The following LNPK variants were observed in gnomAD, a reference collection of about 807,000 sequenced individuals.
LNPK encodes the protein lunapark, ER junction formation factor.
A neutral mutation model predicts 55.2 loss-of-function variants in LNPK; 29 were observed. That is an observed-to-expected ratio of 0.53 (90% CI 0.39 to 0.72). LNPK has a LOEUF of 0.72. LNPK is among the 30% of genes least tolerant of loss of function. The pLI, the probability that LNPK is intolerant of heterozygous loss-of-function variation, is 0.00. For synonymous variants in LNPK, 162 were observed against 168.2 expected (o/e 0.96, Z 0.29); for missense variants, 467 against 494.8 (o/e 0.94, Z 0.53).
intron 1 of LNPK, 23 bp downstream of exon 1, chr2:176,002,137 T>C: frequency 2.3e-6 from 1 of 429,690 alleles, no homozygotes; most frequent in Non-Finnish European, 4.6e-6. Flanking sequence ...CCCTCCCAAC[T>C]GCCCTCGCCT....
At chr2:175,978,242 G>A (rs1559063692) in intron 5 of LNPK, among the ~76,000 whole-genome samples, 1 of 152,016 alleles carries the variant, frequency 6.6e-6, no homozygotes, top group African/African-American at 2.4e-5. Flanking sequence ...CATTGCATTA[G>A]AGATTACAAG....
In LNPK at chr2:175,970,908, G is replaced by A. The variant is rs908667847; in HGVS notation, c.317-104C>T. ...ACACAAGAAAACTTTCTTATTTTAG[G>A]ATTTTTCAAAATTTAACTGATGTGT... On this transcript the variant is annotated intron_variant, in intron 5 of 12. Transcript: ENST00000272748. 13 of 1,061,374 alleles carry A rather than the reference G, an allele frequency of 1.2e-5. No individual in the cohort carries two copies. In the South Asian group the frequency reaches 2.0e-4, roughly 16 times the overall value. The allele number at this position is 1,061,374 out of a possible 1,614,324, so 65.7% of individuals were successfully genotyped here.
At chr2:175,949,171 A>C (rs191798102) in intron 8 of LNPK, among the ~76,000 whole-genome samples, 7 of 152,276 alleles carry the variant, frequency 4.6e-5, no homozygotes, top group Middle Eastern at 3.4e-3. Flanking sequence ...AATTATAAGC[A>C]CAGTATCATT....
chr2:175,949,856 T>A lies in LNPK; in HGVS notation c.494-2164A>T, dbSNP rs184981135. On this transcript the variant is annotated intron_variant, in intron 8 of 12. Coordinates refer to ENST00000272748, the MANE Select transcript of LNPK (RefSeq NM_030650.3). Reference sequence around the variant, plus strand: ...TAGTTCAAAATAACAAGGTACCAAATCTGTATTTGTCAAACTATTATAAAA... The same window carrying A: ...TAGTTCAAAATAACAAGGTACCAAAACTGTATTTGTCAAACTATTATAAAA... Among the ~76,000 whole-genome samples the A allele has an allele frequency of 7.9e-5, 12 of 152,184 alleles. No homozygotes were observed. In the East Asian group the frequency reaches 1.9e-3, roughly 24 times the overall value.
chr2:175,952,921 A>G (rs967920680), intron 8 of LNPK, among the ~76,000 whole-genome samples: 1 of 152,110 alleles, frequency 6.6e-6, no homozygotes, highest in Non-Finnish European at 1.5e-5. Flanking sequence ...TGAATTTACT[A>G]ATTTCATCTA....
rs1222417722 is a variant in LNPK at position 175,929,508 on chromosome 2, T to C, written c.*459A>G. 1.0e-6 allele frequency: 1 copy of C among 994,200 alleles called. No homozygotes were observed. The highest frequency in any genetic ancestry group is 1.7e-5 in the African/African-American group (1 of 57,300). The allele number at this position is 994,200 out of a possible 1,614,324, so 61.6% of individuals were successfully genotyped here. Reference sequence around the variant, plus strand: ...CACCTAAATAGACATTTCTCCCAGTTGTAAATATCTCAGGAGCTAAAATTC... The same window carrying C: ...CACCTAAATAGACATTTCTCCCAGTCGTAAATATCTCAGGAGCTAAAATTC... On this transcript the variant is annotated 3_prime_UTR_variant, in exon 13 of 13. Coordinates refer to ENST00000272748, the MANE Select transcript of LNPK (RefSeq NM_030650.3).
In LNPK at chr2:175,928,689, A is replaced by T. The variant is rs960568341; in HGVS notation, c.*1278T>A. 1.3e-5 allele frequency: 2 copies of T among 151,752 alleles called. No individual in the cohort carries two copies. Among genetic ancestry groups the T allele is most frequent in the African/African-American group, 2.4e-5 (1 of 41,318 alleles). 9.4% of individuals were successfully genotyped at this position (151,752 alleles called of 1,614,324 possible). A position where few individuals can be genotyped will look rare whatever the true frequency, so the allele number is the denominator to read the frequency against. Reference sequence around the variant, plus strand: ...CCTTCAGCATAATAATTTGATTTCCATTTTTTTTAATATTGGAGAAGAGAG... The same window carrying T: ...CCTTCAGCATAATAATTTGATTTCCTTTTTTTTTAATATTGGAGAAGAGAG... On this transcript the variant is annotated 3_prime_UTR_variant, in exon 13 of 13. Coordinates refer to ENST00000272748, the MANE Select transcript of LNPK (RefSeq NM_030650.3).
At chr2:175,932,726 G>T (rs955916280) in intron 12 of LNPK, among the ~76,000 whole-genome samples, 5 of 152,106 alleles carry the variant, frequency 3.3e-5, no homozygotes, top group African/African-American at 1.2e-4. Context: ...AATAATCACA[G>T]AGCTTTATAA....
At chr2:175,961,899 T>A (rs1234350280) in intron 8 of LNPK, among the ~76,000 whole-genome samples, 5 of 152,320 alleles carry the variant, frequency 3.3e-5, no homozygotes, top group Admixed American at 2.0e-4. Flanking sequence ...AGCATTCTTA[T>A]ACACCATTAA....
Position 175,964,489 on chromosome 2 carries a change from T to A in LNPK, c.441+17A>T, listed in dbSNP as rs1388899446. 2 of 1,585,358 alleles carry A rather than the reference T, an allele frequency of 1.3e-6. No individual in the cohort carries two copies. Among genetic ancestry groups the A allele is most frequent in the Admixed American group, 3.3e-5 (2 of 59,960 alleles). ...TGTGTAATTTATAATAAAATAGTAG[T>A]GATATCACAGTCTTACCTTTGCTTT... On this transcript the variant is annotated intron_variant, in intron 7 of 12. Transcript: ENST00000272748.
chr2:175,951,604 T>TAG (rs1685416621), intron 8 of LNPK, among the ~76,000 whole-genome samples: 2 of 136,158 alleles, frequency 1.5e-5, no homozygotes, highest in African/African-American at 5.4e-5. Context: ...TATATATATA[T>TAG]ATATATCTCA....
intron 2 of LNPK, chr2:175,994,179 T>C: frequency 1.0e-6 from 1 of 981,866 alleles, no homozygotes; most frequent in Non-Finnish European, 1.2e-6. Context: ...TATCAGTTCA[T>C]TGTAGTTTCC....
chr2:176,001,786 G>T lies in LNPK; in HGVS notation c.-63+374C>A, dbSNP rs374737069. 1.3e-4 allele frequency among the ~76,000 whole-genome samples: 20 copies of T among 152,186 alleles called. No individual in the cohort carries two copies. The East Asian group carries it at 3.7e-3, about 28-fold the overall frequency. On this transcript the variant is annotated intron_variant, in intron 1 of 12. Coordinates refer to ENST00000272748, the MANE Select transcript of LNPK (RefSeq NM_030650.3). ...TAGTTTGGGACCTTCTGACCTCTTT[G>T]CCCCACCTGTGTCGAGATAAGCTCG...
chr2:175,981,227 A>C (rs1330139151), intron 4 of LNPK, among the ~76,000 whole-genome samples: 3 of 152,142 alleles, frequency 2.0e-5, no homozygotes, highest in Non-Finnish European at 4.4e-5. Flanking sequence ...TGCAGCTTCC[A>C]TTTTGGGCCT....
At chr2:176,002,330 G>A (rs781698246), upstream of LNPK, 2 of 421,356 alleles carry the variant, frequency 4.7e-6, no homozygotes, top group South Asian at 1.7e-5. Context: ...TGGCGCCGCG[G>A]TCGGCGCGCG....
chr2:175,950,652 A>T (rs1685351845), intron 8 of LNPK, among the ~76,000 whole-genome samples: 1 of 152,182 alleles, frequency 6.6e-6, no homozygotes, highest in Non-Finnish European at 1.5e-5. Flanking sequence ...CCAAATGGTC[A>T]TAATTTTAGC....
rs554651484 is a variant in LNPK at position 175,933,807 on chromosome 2, C to T, written c.1054+3537G>A. Among the ~76,000 whole-genome samples, 9 of 148,316 alleles carry T rather than the reference C, an allele frequency of 6.1e-5. No individual in the cohort carries two copies. In the South Asian group the frequency reaches 1.7e-3, roughly 28 times the overall value. On this transcript the variant is annotated intron_variant, in intron 12 of 12. Coordinates refer to ENST00000272748, the MANE Select transcript of LNPK (RefSeq NM_030650.3). ...AGTGCAGTGGCACAATCTCAGCTCA[C>T]TGCAACCTCCGCCTCCCGGATTCAG...
Position 175,929,823 on chromosome 2 carries a change from A to G in LNPK, c.*144T>C, listed in dbSNP as rs1684175652. 2 of 1,456,068 alleles carry G rather than the reference A, an allele frequency of 1.4e-6. No homozygotes were observed. Among genetic ancestry groups the G allele is most frequent in the East Asian group, 5.0e-5 (2 of 40,334 alleles). The allele number at this position is 1,456,068 out of a possible 1,614,324, so 90.2% of individuals were successfully genotyped here. A position where few individuals can be genotyped will look rare whatever the true frequency, so the allele number is the denominator to read the frequency against. ...AATACCCAGTATATATAACTTTGAG[A>G]TGTTCAAATAGCTAGGCAATCTGAA... On this transcript the variant is annotated 3_prime_UTR_variant, in exon 13 of 13. Coordinates refer to ENST00000272748, the MANE Select transcript of LNPK (RefSeq NM_030650.3).
intron 12 of LNPK, 99 bp downstream of exon 12, chr2:175,937,245 T>G (rs1684592325): frequency 1.7e-6 from 2 of 1,202,288 alleles, no homozygotes; most frequent in South Asian, 3.0e-5. Context: ...TGCAGCAAAA[T>G]CTGATAAATT....
Sources: allele counts gnomAD v4.1 joint callset (sites outside exome capture counted in the v4.1 genomes callset), GRCh38; gene constraint gnomAD v4.1.1; transcripts MANE v1.5; gene names NCBI Gene and HGNC (gene_info 2026-07-23, HGNC 2026-07-21).